NRXN1: variants seen among roughly 807,000 people sequenced by gnomAD.
NRXN1 encodes neurexin 1.
Under a neutral mutation model 150.9 loss-of-function variants are expected in NRXN1, and 39 were observed. That is an observed-to-expected ratio of 0.26 (90% CI 0.20 to 0.34). The LOEUF is 0.34. Among genes scored for constraint, NRXN1 ranks in the 10% least tolerant of loss-of-function variants. The pLI is 1.00. For missense variants in NRXN1, 1,815 were observed against 1,949.9 expected (o/e 0.93, Z 1.30); for synonymous variants, 924 against 757.0 (o/e 1.22, Z -3.62).
At chr2:50,894,870 T>C (rs766040490) in intron 5 of NRXN1, among the ~76,000 whole-genome samples, 1 of 152,200 alleles carries the variant, frequency 6.6e-6, no homozygotes, top group African/African-American at 2.4e-5. Flanking sequence ...CACGATGTAA[T>C]CTAACATTTG....
At chr2:50,582,005 G>C (rs1450930650) in intron 8 of NRXN1, among the ~76,000 whole-genome samples, 5 of 152,064 alleles carry the variant, frequency 3.3e-5, no homozygotes, top group Non-Finnish European at 5.9e-5. Context: ...GAGAGAATAT[G>C]GCTTTTCTGA....
At chr2:50,945,294 T>C (rs1558467876) in intron 2 of NRXN1, among the ~76,000 whole-genome samples, 2 of 152,150 alleles carry the variant, frequency 1.3e-5, no homozygotes, top group East Asian at 3.9e-4. Flanking sequence ...GGCAATATGG[T>C]AAAACCACAT....
chr2:51,010,216 G>A (rs1377327574), intron 2 of NRXN1, among the ~76,000 whole-genome samples: 1 of 151,850 alleles, frequency 6.6e-6, no homozygotes, highest in Non-Finnish European at 1.5e-5. Flanking sequence ...ATCTGCTCTT[G>A]CACTTATAAA....
intron 17 of NRXN1, among the ~76,000 whole-genome samples, chr2:50,353,070 A>C (rs1004105817): frequency 6.6e-6 from 1 of 152,068 alleles, no homozygotes; most frequent in East Asian, 1.9e-4. Context: ...TACTCAAGTC[A>C]CTCAAATTGA....
In NRXN1 at chr2:50,623,336, T is replaced by G; in HGVS notation, c.1112A>C (p.Lys371Thr). The change falls in exon 6 of 23, where the codon AAA (lysine) becomes ACA (threonine). Residue 371 changes from lysine to threonine, a missense_variant. Physicochemically the swap from Lys to Thr is moderately conservative, Grantham distance 78. Transcript: ENST00000401669. ...KFNDNAWHDV[K>T]VTRNLRQHSG... ...TACCTGACGCAGATTCCTGGTGACT[T>G]TCACATCATGCCAGGCATTATCATT... The G allele has an allele frequency of 6.2e-7, 1 of 1,612,830 alleles. No individual in the cohort carries two copies.
At chr2:50,854,386 G>GA (rs1011531468) in intron 5 of NRXN1, among the ~76,000 whole-genome samples, 2 of 151,974 alleles carry the variant, frequency 1.3e-5, no homozygotes, top group Non-Finnish European at 1.5e-5. Flanking sequence ...ACAGTGCAAG[G>GA]AAAAAATACT....
chr2:50,039,247 C>T (rs1175531405), intron 21 of NRXN1, among the ~76,000 whole-genome samples: 1 of 152,034 alleles, frequency 6.6e-6, no homozygotes, highest in Non-Finnish European at 1.5e-5. Context: ...GGGTAGATCA[C>T]CTGAGGTCAG....
At chr2:50,168,079 G>A (rs4971653) in intron 18 of NRXN1, among the ~76,000 whole-genome samples, 26,292 of 151,524 alleles carry the variant, frequency 0.17, 2,773 homozygotes, top group East Asian at 0.42. Flanking sequence ...TATCTTGTTT[G>A]AATGCAAATT....
intron 19 of NRXN1, among the ~76,000 whole-genome samples, chr2:50,075,095 A>C (rs768394122): frequency 3.9e-5 from 6 of 152,234 alleles, no homozygotes; most frequent in Non-Finnish European, 7.3e-5. Flanking sequence ...AATGAGATTT[A>C]CAAACAATTT....
intron 9 of NRXN1, 69 bp from the exon 10 acceptor site, chr2:50,538,705 T>A: frequency 7.8e-7 from 1 of 1,286,502 alleles, no homozygotes. Context: ...TCTTTCTCTC[T>A]TTCGTCTGCT....
At chr2:50,145,366 C>T (rs892553111) in intron 18 of NRXN1, among the ~76,000 whole-genome samples, 9 of 151,462 alleles carry the variant, frequency 5.9e-5, no homozygotes, top group Middle Eastern at 3.2e-3. Context: ...TACATCATGG[C>T]GCTTTACCTC....
At chr2:50,753,473 ATAAC>A (rs898335521) in intron 5 of NRXN1, among the ~76,000 whole-genome samples, 1 of 151,866 alleles carries the variant, frequency 6.6e-6, no homozygotes, top group African/African-American at 2.4e-5. Context: ...CAGTCTACAA[ATAAC>A]TAATCACTCC....
chr2:50,882,906 A>C (rs1386312369), intron 5 of NRXN1, among the ~76,000 whole-genome samples: 1 of 151,896 alleles, frequency 6.6e-6, no homozygotes, highest in African/African-American at 2.4e-5. Context: ...TTTATTATTA[A>C]AACATATTGT....
chr2:50,585,960 C>T (rs1673032831), intron 8 of NRXN1, among the ~76,000 whole-genome samples: 1 of 152,194 alleles, frequency 6.6e-6, no homozygotes, highest in Non-Finnish European at 1.5e-5. Context: ...TTTCAAAAAA[C>T]CTACTGAGCA....
At chr2:50,780,090 G>A (rs901177239) in intron 5 of NRXN1, among the ~76,000 whole-genome samples, 1 of 152,018 alleles carries the variant, frequency 6.6e-6, no homozygotes, top group African/African-American at 2.4e-5. Context: ...TCTCATTGTG[G>A]TTTTGATTTG....
chr2:50,818,608 A>G (rs1404450308), intron 5 of NRXN1, among the ~76,000 whole-genome samples: 2 of 152,084 alleles, frequency 1.3e-5, no homozygotes, highest in Non-Finnish European at 2.9e-5. Flanking sequence ...GCTTTAAAAC[A>G]TTGCTCTTGG....
intron 17 of NRXN1, among the ~76,000 whole-genome samples, chr2:50,375,278 G>C (rs1231530525): frequency 1.3e-5 from 2 of 151,728 alleles, no homozygotes; most frequent in African/African-American, 4.8e-5. Context: ...TAAAAACAAT[G>C]ATAGTAATTT....
At chr2:50,575,391 A>G (rs115012996) in intron 8 of NRXN1, among the ~76,000 whole-genome samples, 2,227 of 152,254 alleles carry the variant, frequency 0.015, 34 homozygotes, top group Middle Eastern at 0.058. Context: ...ATGGGCTAGC[A>G]GTAGGCCCTG....
intron 9 of NRXN1, among the ~76,000 whole-genome samples, chr2:50,546,286 A>T (rs2093492421): frequency 6.6e-6 from 1 of 152,154 alleles, no homozygotes; most frequent in Non-Finnish European, 1.5e-5. Flanking sequence ...TACAGTGGGG[A>T]TGAAGTTGTC....
Sources: gnomAD v4.1 joint callset for allele counts (sites outside exome capture counted in the v4.1 genomes callset) on GRCh38, gnomAD v4.1.1 for gene constraint, MANE v1.5 for transcripts, NCBI Gene and HGNC (gene_info 2026-07-23, HGNC 2026-07-21) for gene names.